Variants in RANBP17 observed in about 807,000 individuals in gnomAD.
RANBP17 encodes the protein RAN binding protein 17, also known as ran-binding protein 17.
RANBP17 carries 158 observed loss-of-function variants against 141.2 expected under a neutral mutation model. The ratio of observed to expected loss-of-function variants is 1.12; its 90% CI spans 0.98 to 1.28. RANBP17 has a LOEUF of 1.28. RANBP17 is among the 50% of genes most tolerant of loss of function. The probability of loss-of-function intolerance (pLI) is 0.00; values close to 1 mark genes in which losing one functional copy is unlikely to be tolerated. For missense variants in RANBP17, 1,438 were observed against 1,290.7 expected (o/e 1.11, Z -1.75); for synonymous variants, 430 against 450.0 (o/e 0.96, Z 0.56).
chr5:170,996,220 C>T (rs916763823), intron 14 of RANBP17, among the ~76,000 whole-genome samples: 4 of 152,010 alleles, frequency 2.6e-5, no homozygotes, highest in Admixed American at 6.6e-5. Flanking sequence ...TCCTTCCTCA[C>T]GGTTATTAAG....
chr5:171,219,412 A>G (rs1763420595), intron 21 of RANBP17, among the ~76,000 whole-genome samples: 3 of 152,022 alleles, frequency 2.0e-5, no homozygotes, highest in Admixed American at 2.0e-4. Flanking sequence ...TGTTCTCTGT[A>G]TTTCCTGAAT....
intron 18 of RANBP17, among the ~76,000 whole-genome samples, chr5:171,193,686 A>G (rs1418506215): frequency 6.6e-6 from 1 of 152,128 alleles, no homozygotes; most frequent in African/African-American, 2.4e-5. Context: ...TCCTTGGCTC[A>G]TGGCCTCCCT....
intron 12 of RANBP17, among the ~76,000 whole-genome samples, chr5:170,952,363 C>G (rs1380301351): frequency 6.6e-6 from 1 of 151,896 alleles, no homozygotes; most frequent in Non-Finnish European, 1.5e-5. Context: ...ATGTATAAGG[C>G]TGTATAATTG....
At chr5:171,155,857 A>G (rs1028878395) in intron 14 of RANBP17, among the ~76,000 whole-genome samples, 2 of 152,172 alleles carry the variant, frequency 1.3e-5, no homozygotes, top group African/African-American at 4.8e-5. Flanking sequence ...TATGATAGCT[A>G]TTACAGGAAA....
intron 7 of RANBP17, chr5:170,911,470 A>AT: frequency 1.5e-6 from 1 of 672,374 alleles, no homozygotes; most frequent in Admixed American, 2.0e-5. Flanking sequence ...GTTTATGATC[A>AT]TTTTCAGGTG....
At chr5:171,103,159 C>T (rs1006422976) in intron 14 of RANBP17, among the ~76,000 whole-genome samples, 3 of 152,172 alleles carry the variant, frequency 2.0e-5, no homozygotes, top group Non-Finnish European at 2.9e-5. Flanking sequence ...TCTTCCAAGC[C>T]GGCAGGCGGG....
At chr5:171,104,745 A>G (rs1488241086) in intron 14 of RANBP17, among the ~76,000 whole-genome samples, 2 of 152,228 alleles carry the variant, frequency 1.3e-5, no homozygotes, top group African/African-American at 4.8e-5. Context: ...TGGGAATAAT[A>G]ATACTTACCT....
intron 14 of RANBP17, among the ~76,000 whole-genome samples, chr5:171,089,645 G>A (rs1340949030): frequency 2.0e-5 from 3 of 152,092 alleles, no homozygotes; most frequent in South Asian, 2.1e-4. Context: ...AGCCAGGTGT[G>A]GGATATAATC....
Position 171,121,368 on chromosome 5 carries a change from C to T in RANBP17, c.1711-48762C>T, listed in dbSNP as rs113611718. On this transcript the variant is annotated intron_variant, in intron 14 of 27. Transcript: ENST00000523189. ...GGAACGCAAGTGCGAGGCTGCTCTGCCAGACAGGGTTGTATCTTCCAAGAG... is the reference window on the plus strand; with the variant it reads ...GGAACGCAAGTGCGAGGCTGCTCTGTCAGACAGGGTTGTATCTTCCAAGAG... Among the ~76,000 whole-genome samples, 1,422 of 152,336 alleles carry T rather than the reference C, an allele frequency of 9.3e-3. 16 individuals carry two copies. The highest frequency in any genetic ancestry group is 0.013 in the Non-Finnish European group (910 of 68,036).
chr5:171,051,239 T>C (rs1008211571), intron 14 of RANBP17, among the ~76,000 whole-genome samples: 5 of 152,172 alleles, frequency 3.3e-5, no homozygotes, highest in Non-Finnish European at 4.4e-5. Flanking sequence ...CCTTTTTTCT[T>C]TATTTATTGT....
At chr5:171,284,870 G>C (rs755844926) in intron 25 of RANBP17, among the ~76,000 whole-genome samples, 28 of 152,054 alleles carry the variant, frequency 1.8e-4, no homozygotes, top group Admixed American at 5.2e-4. Context: ...AATCAGTATT[G>C]TTCTAAATGG....
At chr5:170,891,134 C>G (rs1271644603) in intron 3 of RANBP17, among the ~76,000 whole-genome samples, 1 of 152,110 alleles carries the variant, frequency 6.6e-6, no homozygotes, top group African/African-American at 2.4e-5. Flanking sequence ...ATAAAAAGCA[C>G]AGGGCTTATG....
intron 12 of RANBP17, among the ~76,000 whole-genome samples, chr5:170,951,598 G>A (rs1018048615): frequency 1.3e-5 from 2 of 152,064 alleles, no homozygotes; most frequent in South Asian, 2.1e-4. Flanking sequence ...GGGCATGGGG[G>A]TAGGATGCAG....
intron 24 of RANBP17, chr5:171,252,702 C>G: frequency 6.9e-7 from 1 of 1,453,456 alleles, no homozygotes. Flanking sequence ...CCAATCCAGA[C>G]AGAATGTACA....
intron 25 of RANBP17, among the ~76,000 whole-genome samples, chr5:171,287,226 C>T (rs753124987): frequency 2.6e-5 from 4 of 152,180 alleles, no homozygotes; most frequent in African/African-American, 7.2e-5. Flanking sequence ...TGCAGTGGCT[C>T]ACGCCTGTAA....
chr5:171,036,786 T>A (rs1304664210), intron 14 of RANBP17, among the ~76,000 whole-genome samples: 2 of 152,252 alleles, frequency 1.3e-5, no homozygotes, highest in South Asian at 2.1e-4. Context: ...TTTTTATGGC[T>A]GTGTGGTATT....
chr5:170,955,681 T>TATATATATATATATATATATATACAC lies in RANBP17; in HGVS notation c.1574+1980_1574+1981insTATATATATATATATATATATACACA, dbSNP rs769742239. On this transcript the variant is annotated intron_variant, in intron 13 of 27. Transcript: ENST00000523189. ...ATATATATATATATATATATATATA[T>TATATATATATATATATATATATACAC]ACACTGAATGAACTCTGTAGAGGAA... Among the ~76,000 whole-genome samples, 736 of 39,066 alleles carry TATATATATATATATATATATATACAC rather than the reference T, an allele frequency of 0.019. 187 individuals carry two copies. The Middle Eastern group carries it at 0.27, about 14-fold the overall frequency. 25.6% of individuals were successfully genotyped at this position (39,066 alleles called of 152,430 possible). A position where few individuals can be genotyped will look rare whatever the true frequency, so the allele number is the denominator to read the frequency against.
intron 11 of RANBP17, among the ~76,000 whole-genome samples, chr5:170,923,672 A>G (rs1443497696): frequency 6.6e-6 from 1 of 152,104 alleles, no homozygotes; most frequent in Non-Finnish European, 1.5e-5. Context: ...TTTTTCTTTA[A>G]TCAAACATTT....
At chr5:170,961,233 G>C (rs575592406) in intron 13 of RANBP17, among the ~76,000 whole-genome samples, 24 of 152,116 alleles carry the variant, frequency 1.6e-4, no homozygotes, top group Non-Finnish European at 3.4e-4. Context: ...TATAGGTCTT[G>C]TACTTTGTTG....
Sources: gnomAD v4.1 joint callset for allele counts (sites outside exome capture counted in the v4.1 genomes callset) on GRCh38, gnomAD v4.1.1 for gene constraint, MANE v1.5 for transcripts, NCBI Gene and HGNC (gene_info 2026-07-23, HGNC 2026-07-21) for gene names.